The following SYCP1 variants were observed in gnomAD, a reference collection of about 807,000 sequenced individuals.
SYCP1 encodes the protein synaptonemal complex protein 1.
SYCP1 carries 64 observed loss-of-function variants against 153.1 expected under a neutral mutation model. The ratio of observed to expected loss-of-function variants is 0.42; its 90% CI spans 0.34 to 0.51. The LOEUF is 0.51. SYCP1 is among the 20% of genes least tolerant of loss of function. SYCP1 has a pLI of 0.06. For synonymous variants in SYCP1, 384 were observed against 341.8 expected (o/e 1.12, Z -1.36); for missense variants, 997 against 1,049.0 (o/e 0.95, Z 0.68).
chr1:114,942,689 A>G (rs1670460031), intron 23 of SYCP1, among the ~76,000 whole-genome samples: 1 of 152,000 alleles, frequency 6.6e-6, no homozygotes, highest in East Asian at 1.9e-4. Flanking sequence ...TTCCTTAAGG[A>G]TATAAATAAA....
At chr1:114,989,535 T>G (rs1380521089) in intron 30 of SYCP1, among the ~76,000 whole-genome samples, 3 of 151,936 alleles carry the variant, frequency 2.0e-5, no homozygotes, top group African/African-American at 7.2e-5. Context: ...TAAATGTAAA[T>G]AGATTATACT....
intron 23 of SYCP1, among the ~76,000 whole-genome samples, chr1:114,933,550 A>T (rs1557812197): frequency 6.6e-6 from 1 of 152,340 alleles, no homozygotes; most frequent in East Asian, 1.9e-4. Context: ...ATGGAGAATG[A>T]TTTTGATGAG....
At position 114,976,691 on chromosome 1, in the gene SYCP1, G is replaced by C. The variant is rs529142499; in HGVS notation, c.2323-866G>C. Among the ~76,000 whole-genome samples the C allele has an allele frequency of 3.3e-5, 5 of 151,826 alleles. No homozygotes were observed. In the South Asian group the frequency reaches 1.0e-3, roughly 31 times the overall value. The stretch of plus-strand genomic sequence containing the variant: ...GACTCCAATTGTCACTATAACTGAA[G>C]ATCAACCATTGGTAGGTTATAGGAT... On this transcript the variant is annotated intron_variant, in intron 27 of 31. Transcript: ENST00000369522.
chr1:114,872,855 A>G (rs766897228), intron 8 of SYCP1, among the ~76,000 whole-genome samples: 5 of 151,860 alleles, frequency 3.3e-5, no homozygotes, highest in South Asian at 2.1e-4. Flanking sequence ...GCGTCTTTCT[A>G]TGTTGTCTAG....
At chr1:114,951,027 T>C (rs1389079360) in intron 27 of SYCP1, among the ~76,000 whole-genome samples, 1 of 152,074 alleles carries the variant, frequency 6.6e-6, no homozygotes, top group Non-Finnish European at 1.5e-5. Flanking sequence ...GGTTTCACTG[T>C]GTTAGCCAGG....
At chr1:114,855,827 C>G (rs1396668405) in intron 2 of SYCP1, among the ~76,000 whole-genome samples, 18 of 151,956 alleles carry the variant, frequency 1.2e-4, no homozygotes, top group Admixed American at 1.2e-3. Flanking sequence ...TCCTTCTTTC[C>G]GTATTTGATT....
At chr1:114,980,704 T>A (rs554442988) in intron 28 of SYCP1, among the ~76,000 whole-genome samples, 2 of 151,804 alleles carry the variant, frequency 1.3e-5, no homozygotes, top group East Asian at 3.9e-4. Context: ...GAGTAAAGAT[T>A]TTTTTTTATT....
intron 8 of SYCP1, among the ~76,000 whole-genome samples, chr1:114,867,037 T>C (rs528737586): frequency 6.6e-6 from 1 of 152,206 alleles, no homozygotes; most frequent in East Asian, 1.9e-4. Context: ...TATTTGTTAC[T>C]CCTTTGTCAA....
At chr1:114,955,797 T>C (rs1671396187) in intron 27 of SYCP1, among the ~76,000 whole-genome samples, 1 of 152,084 alleles carries the variant, frequency 6.6e-6, no homozygotes, top group African/African-American at 2.4e-5. Flanking sequence ...AGACTGACAG[T>C]AGGTTACAGG....
chr1:114,937,366 C>G (rs1670087382), intron 23 of SYCP1, among the ~76,000 whole-genome samples: 1 of 152,114 alleles, frequency 6.6e-6, no homozygotes, highest in Non-Finnish European at 1.5e-5. Flanking sequence ...AACTGGATCC[C>G]TTCCTTATAC....
At chr1:114,924,809 A>G (rs1171040919) in intron 21 of SYCP1, among the ~76,000 whole-genome samples, 1 of 152,066 alleles carries the variant, frequency 6.6e-6, no homozygotes, top group Non-Finnish European at 1.5e-5. Flanking sequence ...AGGGTGGATC[A>G]TTTAAGGCCA....
rs570746669 is a variant in SYCP1 at position 114,857,483 on chromosome 1, G to T, written c.277G>T (p.Asp93Tyr). 1.3e-6 allele frequency: 2 copies of T among 1,599,770 alleles called. No individual in the cohort carries two copies. The highest frequency in any genetic ancestry group is 2.3e-5 in the South Asian group (2 of 87,616). The change falls in exon 5 of 32, where the codon GAC (aspartate) becomes TAC (tyrosine). Residue 93 changes from aspartate (D) to tyrosine (Y), a missense_variant. Transcript: ENST00000369522. ...SDCHYQEGLK[D>Y]SDLENSEGLS... ...CTGTCACTATCAGGAAGGACTAAAA[G>T]ACTCTGATTTGGAGGTCAGAAGATT...
At chr1:114,965,990 G>A (rs1263549120) in intron 27 of SYCP1, among the ~76,000 whole-genome samples, 9 of 152,056 alleles carry the variant, frequency 5.9e-5, no homozygotes, top group Non-Finnish European at 1.0e-4. Context: ...TTTTTGGTTG[G>A]TAGGCTATTA....
intron 30 of SYCP1, among the ~76,000 whole-genome samples, chr1:114,993,553 GT>G (rs1674066523): frequency 6.6e-6 from 1 of 151,224 alleles, no homozygotes; most frequent in Non-Finnish European, 1.5e-5. Context: ...GGGGATAATG[GT>G]ATACCTACTT....
chr1:114,858,514 GGAC>G lies in SYCP1; in HGVS notation c.292-32_292-30del, dbSNP rs1178759679. 7 of 1,533,306 alleles carry G rather than the reference GGAC, an allele frequency of 4.6e-6. No homozygotes were observed. In the South Asian group the frequency reaches 8.9e-5, roughly 20 times the overall value. 95.0% of individuals were successfully genotyped at this position (1,533,306 alleles called of 1,614,324 possible). On this transcript the variant is annotated intron_variant, in intron 5 of 31. Transcript: ENST00000369522. Reference sequence around the variant, plus strand: ...TGTAGTTTGGTTATATTAGAATTTTGGACAATTAATTTTTGAAAACATATTTTA... The same window carrying G: ...TGTAGTTTGGTTATATTAGAATTTTGAATTAATTTTTGAAAACATATTTTA...
At chr1:114,965,561 G>A (rs947935530) in intron 27 of SYCP1, among the ~76,000 whole-genome samples, 7 of 152,164 alleles carry the variant, frequency 4.6e-5, no homozygotes, top group South Asian at 2.1e-4. Context: ...AGTGTTTTTA[G>A]CATGAAGGGG....
intron 27 of SYCP1, among the ~76,000 whole-genome samples, chr1:114,966,830 A>G (rs1672160351): frequency 1.3e-5 from 2 of 152,046 alleles, no homozygotes; most frequent in South Asian, 4.1e-4. Context: ...GACTACAGGC[A>G]TGTGCCAGCA....
chr1:114,861,746 TTTA>T (rs1664388286), intron 8 of SYCP1, among the ~76,000 whole-genome samples: 1 of 151,902 alleles, frequency 6.6e-6, no homozygotes, highest in African/African-American at 2.4e-5. Context: ...TGTTGGGTAT[TTTA>T]TTATTATTAT....
At chr1:114,869,388 G>A (rs1664968062) in intron 8 of SYCP1, among the ~76,000 whole-genome samples, 1 of 152,136 alleles carries the variant, frequency 6.6e-6, no homozygotes, top group Non-Finnish European at 1.5e-5. Context: ...ATTGTGATCT[G>A]AGAGCAGATA....
Sources: allele counts gnomAD v4.1 joint callset (sites outside exome capture counted in the v4.1 genomes callset), GRCh38; gene constraint gnomAD v4.1.1; transcripts MANE v1.5; gene names NCBI Gene and HGNC (gene_info 2026-07-23, HGNC 2026-07-21).